The following PDE1A variants were observed in gnomAD, a reference collection of about 807,000 sequenced individuals.
The protein encoded by PDE1A is phosphodiesterase 1A.
A neutral mutation model predicts 61.7 loss-of-function variants in PDE1A; 35 were observed. The ratio of observed to expected loss-of-function variants is 0.57; its 90% CI spans 0.43 to 0.75. The LOEUF (loss-of-function observed/expected upper bound fraction) is 0.75. PDE1A is among the 30% of genes least tolerant of loss of function. The pLI is 0.00. For synonymous variants in PDE1A, 232 were observed against 213.2 expected (o/e 1.09, Z -0.77); for missense variants, 597 against 630.6 (o/e 0.95, Z 0.57).
chr2:182,351,991 C>T (rs1311654690), intron 1 of PDE1A, among the ~76,000 whole-genome samples: 3 of 152,126 alleles, frequency 2.0e-5, no homozygotes, highest in Non-Finnish European at 4.4e-5. Flanking sequence ...TCATGCATGT[C>T]AAAACATTTG....
At chr2:182,241,664 T>G in intron 2 of PDE1A, 1 of 508,240 alleles carries the variant, frequency 2.0e-6, no homozygotes, top group Non-Finnish European at 3.2e-6. Context: ...TTATTTTCCA[T>G]GGTATTAAAT....
At chr2:182,529,780 G>A in the PDE1A span, among the ~76,000 whole-genome samples, 1 of 152,160 alleles carries the variant, frequency 6.6e-6, no homozygotes, top group Non-Finnish European at 1.5e-5. Flanking sequence ...GGTTTTATAA[G>A]CCTTTCACTT....
chr2:182,626,830 T>C, the PDE1A span, among the ~76,000 whole-genome samples: 1 of 31,818 alleles, frequency 3.1e-5, no homozygotes, highest in Non-Finnish European at 5.8e-5. Context: ...TATATACATA[T>C]ATATATACAT....
intron 7 of PDE1A, among the ~76,000 whole-genome samples, chr2:182,208,308 G>A (rs572355037): frequency 6.6e-6 from 1 of 152,310 alleles, no homozygotes; most frequent in African/African-American, 2.4e-5. Context: ...CAATCATGAT[G>A]GAAGGCAAAG....
chr2:182,205,110 A>C (rs1052189194), intron 8 of PDE1A, among the ~76,000 whole-genome samples: 2 of 152,210 alleles, frequency 1.3e-5, no homozygotes, highest in Non-Finnish European at 2.9e-5. Context: ...TTTACATTCA[A>C]TTGGAAACCT....
chr2:182,536,128 C>G, the PDE1A span, among the ~76,000 whole-genome samples: 2 of 152,178 alleles, frequency 1.3e-5, no homozygotes, highest in African/African-American at 4.8e-5. Flanking sequence ...TGCACATGAG[C>G]AGATTACAAT....
chr2:182,691,197 A>G, the PDE1A span, among the ~76,000 whole-genome samples: 1 of 152,190 alleles, frequency 6.6e-6, no homozygotes. Flanking sequence ...TTCATATGGG[A>G]CCAAAAAAGA....
the PDE1A span, among the ~76,000 whole-genome samples, chr2:182,684,812 T>A: frequency 1.3e-5 from 2 of 152,164 alleles, no homozygotes; most frequent in Non-Finnish European, 2.9e-5. Flanking sequence ...ATTGACCATA[T>A]AACATATCAT....
chr2:182,152,265 A>G (rs1008041698), intron 13 of PDE1A, among the ~76,000 whole-genome samples: 74 of 152,182 alleles, frequency 4.9e-4, no homozygotes, highest in Non-Finnish European at 7.5e-4. Flanking sequence ...TTAAAGTTAC[A>G]GTCATTGGAA....
chr2:182,155,705 CAAG>C (rs1427045789), intron 13 of PDE1A, among the ~76,000 whole-genome samples: 2 of 152,098 alleles, frequency 1.3e-5, no homozygotes, highest in Non-Finnish European at 2.9e-5. Context: ...GCCTGACCAA[CAAG>C]GAGAAACCCC....
chr2:182,422,477 A>G (rs1703341414), intron 1 of PDE1A, among the ~76,000 whole-genome samples: 1 of 152,214 alleles, frequency 6.6e-6, no homozygotes, highest in Non-Finnish European at 1.5e-5. Flanking sequence ...AGGCAGTGAA[A>G]TTCAGAAAAA....
intron 1 of PDE1A, among the ~76,000 whole-genome samples, chr2:182,399,259 T>G (rs910791043): frequency 3.9e-5 from 6 of 152,022 alleles, no homozygotes; most frequent in African/African-American, 1.4e-4. Flanking sequence ...TGCACTTTTT[T>G]GGTATAAAAT....
intron 1 of PDE1A, among the ~76,000 whole-genome samples, chr2:182,274,568 T>C (rs1007271852): frequency 8.5e-5 from 13 of 152,110 alleles, no homozygotes; most frequent in Admixed American, 3.9e-4. Flanking sequence ...ATACAATTTG[T>C]GGCATAAAAA....
At chr2:182,454,066 A>G (rs2125729714) in intron 2 of PDE1A, among the ~76,000 whole-genome samples, 1 of 152,282 alleles carries the variant, frequency 6.6e-6, no homozygotes, top group East Asian at 1.9e-4. Flanking sequence ...CAACTTCAGC[A>G]AAGTCTCAGG....
At chr2:182,569,780 TGAA>T in the PDE1A span, among the ~76,000 whole-genome samples, 1 of 152,234 alleles carries the variant, frequency 6.6e-6, no homozygotes, top group South Asian at 2.1e-4. Context: ...CATTTTTATT[TGAA>T]TAAGCTAGAT....
the PDE1A span, among the ~76,000 whole-genome samples, chr2:182,530,075 G>A: frequency 6.6e-6 from 1 of 152,252 alleles, no homozygotes; most frequent in African/African-American, 2.4e-5. Context: ...TTCAAATTCA[G>A]GAAGCAAAAC....
At chr2:182,647,834 C>T in the PDE1A span, among the ~76,000 whole-genome samples, 1 of 151,564 alleles carries the variant, frequency 6.6e-6, no homozygotes, top group Admixed American at 6.6e-5. Context: ...AGCTGATAAA[C>T]AATTAAATGA....
intron 1 of PDE1A, among the ~76,000 whole-genome samples, chr2:182,423,028 G>A (rs1260410831): frequency 6.6e-6 from 1 of 152,146 alleles, no homozygotes; most frequent in African/African-American, 2.4e-5. Context: ...AGCCTGTGCA[G>A]GCAGAATCAC....
At chr2:182,150,778 G>T (rs1400968247) in intron 13 of PDE1A, among the ~76,000 whole-genome samples, 2 of 152,132 alleles carry the variant, frequency 1.3e-5, no homozygotes, top group Non-Finnish European at 2.9e-5. Context: ...TCTAAATTTA[G>T]CTAATCTAGG....
Sources: allele counts gnomAD v4.1 joint callset (sites outside exome capture counted in the v4.1 genomes callset), GRCh38; gene constraint gnomAD v4.1.1; transcripts MANE v1.5; gene names NCBI Gene and HGNC (gene_info 2026-07-23, HGNC 2026-07-21).